Variants in PSD3 observed in about 807,000 individuals in gnomAD.
The protein encoded by PSD3 is PH and SEC7 domain-containing protein 3.
Under a neutral mutation model 105.5 loss-of-function variants are expected in PSD3, and 49 were observed. That is an observed-to-expected ratio of 0.46 (90% CI 0.37 to 0.59). PSD3 has a LOEUF of 0.59. Among genes scored for constraint, PSD3 ranks in the 20% least tolerant of loss-of-function variants. PSD3 has a pLI of 0.00. For missense variants in PSD3, 1,561 were observed against 1,263.8 expected (o/e 1.24, Z -3.57); for synonymous variants, 557 against 457.8 (o/e 1.22, Z -2.77).
intron 1 of PSD3, among the ~76,000 whole-genome samples, chr8:18,978,913 C>T (rs917914230): frequency 8.5e-5 from 13 of 152,158 alleles, no homozygotes; most frequent in African/African-American, 3.1e-4. Context: ...CAGCAAGAAG[C>T]CACAACCACA....
intron 15 of PSD3, among the ~76,000 whole-genome samples, chr8:18,552,128 G>A (rs1042716425): frequency 2.6e-5 from 4 of 152,274 alleles, no homozygotes; most frequent in Admixed American, 1.3e-4. Context: ...TTGGCATTGC[G>A]TCGGCTGGTT....
At chr8:19,037,433 G>A (rs941442163) in intron 1 of PSD3, among the ~76,000 whole-genome samples, 1 of 152,204 alleles carries the variant, frequency 6.6e-6, no homozygotes, top group African/African-American at 2.4e-5. Context: ...ATGGTTACTG[G>A]AAGGATTTGT....
intron 8 of PSD3, among the ~76,000 whole-genome samples, chr8:18,768,493 G>A (rs1807220684): frequency 6.6e-6 from 1 of 152,004 alleles, no homozygotes; most frequent in Admixed American, 6.6e-5. Flanking sequence ...AGCTACTCTG[G>A]AGGCTGAGGG....
intron 9 of PSD3, among the ~76,000 whole-genome samples, chr8:18,745,062 C>T (rs926109896): frequency 6.6e-6 from 1 of 152,180 alleles, no homozygotes; most frequent in African/African-American, 2.4e-5. Flanking sequence ...GCATCAGAGG[C>T]TTCATGATGT....
chr8:18,747,116 G>A (rs566029139), intron 9 of PSD3, among the ~76,000 whole-genome samples: 4 of 152,306 alleles, frequency 2.6e-5, no homozygotes, highest in Non-Finnish European at 5.9e-5. Flanking sequence ...CTTCTCAAAC[G>A]TAAATAATGC....
intron 14 of PSD3, among the ~76,000 whole-genome samples, chr8:18,562,715 C>T (rs911682504): frequency 1.3e-5 from 2 of 151,964 alleles, no homozygotes; most frequent in African/African-American, 4.8e-5. Flanking sequence ...ATGGTGAAAC[C>T]CCGTTTCTAC....
chr8:18,937,013 A>C (rs1442234755), intron 1 of PSD3, among the ~76,000 whole-genome samples: 2 of 152,186 alleles, frequency 1.3e-5, no homozygotes, highest in Non-Finnish European at 2.9e-5. Flanking sequence ...CATCTGTCCC[A>C]GGGTCCTGTG....
chr8:18,666,203 A>T (rs750997685), intron 9 of PSD3, among the ~76,000 whole-genome samples: 15 of 152,180 alleles, frequency 9.9e-5, no homozygotes, highest in Non-Finnish European at 1.9e-4. Context: ...GGGGCACGCC[A>T]CTGTGTCCTG....
intron 8 of PSD3, among the ~76,000 whole-genome samples, chr8:18,798,150 A>G (rs956386600): frequency 6.6e-6 from 1 of 152,130 alleles, no homozygotes; most frequent in African/African-American, 2.4e-5. Context: ...AAATGCCTGC[A>G]TTTCCACATG....
At chr8:18,900,012 GA>G (rs1010031600) in intron 2 of PSD3, among the ~76,000 whole-genome samples, 2 of 151,456 alleles carry the variant, frequency 1.3e-5, no homozygotes, top group African/African-American at 4.8e-5. Context: ...TTTTCTACAA[GA>G]AAAAAAAGAA....
chr8:18,931,947 A>G (rs1315419097), intron 2 of PSD3, among the ~76,000 whole-genome samples: 1 of 152,206 alleles, frequency 6.6e-6, no homozygotes, highest in Non-Finnish European at 1.5e-5. Flanking sequence ...AGGAGCCTGG[A>G]TCATGGTCTC....
intron 2 of PSD3, chr8:18,924,403 GGAAA>G (rs1251634684): frequency 2.0e-5 from 3 of 152,022 alleles, no homozygotes; most frequent in Non-Finnish European, 4.4e-5. Context: ...GCTGGAGAGT[GGAAA>G]GAAAGGAGCA....
chr8:18,552,961 C>T (rs988498673), intron 15 of PSD3, among the ~76,000 whole-genome samples: 8 of 151,948 alleles, frequency 5.3e-5, no homozygotes, highest in Non-Finnish European at 7.4e-5. Context: ...TTTTTTTAAA[C>T]CCTGTATTTA....
At chr8:18,953,127 T>C (rs11774866) in intron 1 of PSD3, among the ~76,000 whole-genome samples, 59,598 of 152,016 alleles carry the variant, frequency 0.39, 11,862 homozygotes, top group Non-Finnish European at 0.41. Flanking sequence ...TCAACCTTCC[T>C]AATGATCAGT....
chr8:19,009,553 G>A (rs918529664), intron 1 of PSD3, among the ~76,000 whole-genome samples: 5 of 151,398 alleles, frequency 3.3e-5, no homozygotes, highest in South Asian at 2.1e-4. Context: ...TTGTAAAAAC[G>A]CCCCATGCCA....
chr8:18,660,507 C>A (rs1307359488), intron 9 of PSD3, among the ~76,000 whole-genome samples: 1 of 152,126 alleles, frequency 6.6e-6, no homozygotes, highest in Non-Finnish European at 1.5e-5. Flanking sequence ...GATGATATAC[C>A]CACAGGTGGA....
intron 9 of PSD3, among the ~76,000 whole-genome samples, chr8:18,715,410 T>G (rs1375472550): frequency 6.6e-6 from 1 of 152,228 alleles, no homozygotes; most frequent in African/African-American, 2.4e-5. Flanking sequence ...TCCATGTATG[T>G]AATTCAACAC....
At chr8:18,697,697 T>C (rs1051612292) in intron 9 of PSD3, among the ~76,000 whole-genome samples, 4 of 152,210 alleles carry the variant, frequency 2.6e-5, no homozygotes, top group African/African-American at 9.6e-5. Flanking sequence ...TTGCGTGAAT[T>C]ACCTCTGGGC....
intron 15 of PSD3, among the ~76,000 whole-genome samples, chr8:18,555,309 G>C (rs951062408): frequency 6.6e-6 from 1 of 152,018 alleles, no homozygotes; most frequent in Non-Finnish European, 1.5e-5. Flanking sequence ...TAAATTTCAA[G>C]CCTGAGGAGG....
Sources: allele counts gnomAD v4.1 joint callset (sites outside exome capture counted in the v4.1 genomes callset), GRCh38; gene constraint gnomAD v4.1.1; transcripts MANE v1.5; gene names NCBI Gene and HGNC (gene_info 2026-07-23, HGNC 2026-07-21).